Variants in TRPC4 observed in about 807,000 individuals in gnomAD.
TRPC4 encodes transient receptor potential cation channel subfamily C member 4, also known as short transient receptor potential channel 4.
TRPC4 carries 49 observed loss-of-function variants against 99.4 expected under a neutral mutation model. The observed-to-expected ratio is 0.49, with a 90% confidence interval of 0.39 to 0.63. The LOEUF is 0.63. Ranked by LOEUF, TRPC4 falls within the 20% of genes least tolerant of loss-of-function variation. The probability of loss-of-function intolerance (pLI) is 0.00; values close to 1 mark genes in which losing one functional copy is unlikely to be tolerated. For synonymous variants in TRPC4, 454 were observed against 425.9 expected (o/e 1.07, Z -0.81); for missense variants, 898 against 1,152.9 (o/e 0.78, Z 3.20).
chr13:37,792,370 TTG>T (rs1957142849), intron 1 of TRPC4, among the ~76,000 whole-genome samples: 1 of 152,156 alleles, frequency 6.6e-6, no homozygotes, highest in South Asian at 2.1e-4. Flanking sequence ...TTGGCATAAT[TTG>T]TAGAATTAGA....
At chr13:37,849,947 A>T (rs861005) in intron 1 of TRPC4, among the ~76,000 whole-genome samples, 1 of 152,088 alleles carries the variant, frequency 6.6e-6, no homozygotes, top group Non-Finnish European at 1.5e-5. Context: ...GATTATATGA[A>T]AACTACCCGA....
chr13:37,810,057 T>A (rs1957632053), intron 1 of TRPC4, among the ~76,000 whole-genome samples: 1 of 152,096 alleles, frequency 6.6e-6, no homozygotes, highest in African/African-American at 2.4e-5. Flanking sequence ...CATGGCACAA[T>A]AGAAACAAAT....
intron 1 of TRPC4, among the ~76,000 whole-genome samples, chr13:37,852,898 A>G (rs956355672): frequency 1.1e-4 from 17 of 152,172 alleles, no homozygotes; most frequent in African/African-American, 2.4e-5. Flanking sequence ...GAGAAGGAAG[A>G]GTGGGAAGGA....
At chr13:37,778,216 G>GT (rs1956757232) in intron 2 of TRPC4, among the ~76,000 whole-genome samples, 1 of 152,024 alleles carries the variant, frequency 6.6e-6, no homozygotes, top group Non-Finnish European at 1.5e-5. Context: ...AGACTCTTGA[G>GT]TTCCAGCACT....
Position 37,745,538 on chromosome 13 carries a change from G to GTA in TRPC4, c.897+397_897+398dup, listed in dbSNP as rs67537956. On this transcript the variant is annotated intron_variant, in intron 3 of 10. Transcript: ENST00000379705. Reference sequence around the variant, plus strand: ...TATATACGTATATATGTATATATACGTATATATATATATATATAATTTCAA... The same window carrying GTA: ...TATATACGTATATATGTATATATACGTATATATATATATATATATAATTTCAA... Among the ~76,000 whole-genome samples, 939 of 128,106 alleles carry GTA rather than the reference G, an allele frequency of 7.3e-3. 10 individuals are homozygous for GTA. Among genetic ancestry groups the GTA allele is most frequent in the Middle Eastern group, 0.012 (3 of 244 alleles). The allele number at this position is 128,106 out of a possible 152,430, so 84.0% of individuals were successfully genotyped here. A position where few individuals can be genotyped will look rare whatever the true frequency, so the allele number is the denominator to read the frequency against.
intron 5 of TRPC4, among the ~76,000 whole-genome samples, chr13:37,672,907 G>C (rs1320853625): frequency 6.6e-6 from 1 of 152,130 alleles, no homozygotes; most frequent in Admixed American, 6.5e-5. Flanking sequence ...AGCACTGGTA[G>C]CATTTTAACA....
chr13:37,841,443 T>C (rs1051119064), intron 1 of TRPC4, among the ~76,000 whole-genome samples: 2 of 151,818 alleles, frequency 1.3e-5, no homozygotes, highest in South Asian at 2.1e-4. Context: ...TAAACATTTC[T>C]AGTTAAGAGG....
At chr13:37,724,072 G>A (rs1459258502) in intron 3 of TRPC4, among the ~76,000 whole-genome samples, 2 of 151,928 alleles carry the variant, frequency 1.3e-5, no homozygotes, top group Non-Finnish European at 2.9e-5. Flanking sequence ...TATAAATAAT[G>A]ATTCATTCAT....
At chr13:37,764,513 T>A (rs1956306810) in intron 2 of TRPC4, among the ~76,000 whole-genome samples, 1 of 151,392 alleles carries the variant, frequency 6.6e-6, no homozygotes, top group Non-Finnish European at 1.5e-5. Flanking sequence ...ACAAATTATC[T>A]GAACATACTT....
chr13:37,692,813 C>T (rs931708582), intron 3 of TRPC4, among the ~76,000 whole-genome samples: 2 of 152,040 alleles, frequency 1.3e-5, no homozygotes, highest in African/African-American at 4.8e-5. Flanking sequence ...TTATTACTTT[C>T]ATCATCAGGA....
At position 37,830,451 on chromosome 13, in the gene TRPC4, G is replaced by A. The variant is rs145017038; in HGVS notation, c.-28+39144C>T. ...TTGCTGGACATGATGGCTGACGCCT[G>A]TAATCCCAGCATTTTGGGAGGCTGA... On this transcript the variant is annotated intron_variant, in intron 1 of 10. Coordinates refer to ENST00000379705, the MANE Select transcript of TRPC4 (RefSeq NM_016179.4). 6.5e-3 allele frequency among the ~76,000 whole-genome samples: 985 copies of A among 152,060 alleles called. 14 individuals are homozygous for A. The highest frequency in any genetic ancestry group is 0.022 in the African/African-American group (934 of 41,550).
intron 6 of TRPC4, among the ~76,000 whole-genome samples, chr13:37,656,115 C>A (rs1952226584): frequency 6.6e-6 from 1 of 152,032 alleles, no homozygotes; most frequent in Non-Finnish European, 1.5e-5. Flanking sequence ...TGAATGAACT[C>A]TGGCTATTTT....
intron 1 of TRPC4, among the ~76,000 whole-genome samples, chr13:37,793,976 T>C (rs1957185780): frequency 6.6e-6 from 1 of 152,144 alleles, no homozygotes; most frequent in Non-Finnish European, 1.5e-5. Context: ...AAGCTAATAA[T>C]GGTCAAGTAA....
intron 1 of TRPC4, among the ~76,000 whole-genome samples, chr13:37,859,225 A>G (rs1959203420): frequency 6.6e-6 from 1 of 151,480 alleles, no homozygotes; most frequent in Non-Finnish European, 1.5e-5. Context: ...AAAAAGCATT[A>G]AAAGAAAAAG....
chr13:37,720,182 T>A (rs1344240774), intron 3 of TRPC4, among the ~76,000 whole-genome samples: 1 of 152,170 alleles, frequency 6.6e-6, no homozygotes, highest in East Asian at 1.9e-4. Flanking sequence ...GAGACTTGCA[T>A]CGTATTTTTG....
intron 1 of TRPC4, among the ~76,000 whole-genome samples, chr13:37,836,583 T>C (rs1958572872): frequency 6.6e-6 from 1 of 152,196 alleles, no homozygotes; most frequent in South Asian, 2.1e-4. Context: ...TAGAGATTTA[T>C]GGAACTTTGA....
At chr13:37,692,390 T>G in intron 3 of TRPC4, 55 bp from the exon 4 acceptor site, 2 of 1,400,584 alleles carry the variant, frequency 1.4e-6, no homozygotes, top group Non-Finnish European at 1.9e-6. Context: ...TGGAGTGGCC[T>G]CAATTCATCA....
chr13:37,760,236 T>A (rs1308588387), intron 2 of TRPC4, among the ~76,000 whole-genome samples: 1 of 151,980 alleles, frequency 6.6e-6, no homozygotes, highest in Non-Finnish European at 1.5e-5. Flanking sequence ...TAAAATCTAC[T>A]GTGCACTACA....
At chr13:37,847,211 T>C (rs1958931290) in intron 1 of TRPC4, among the ~76,000 whole-genome samples, 1 of 152,046 alleles carries the variant, frequency 6.6e-6, no homozygotes, top group Admixed American at 6.6e-5. Flanking sequence ...ATATCTACAA[T>C]ATTCTACTCA....
Sources: allele counts gnomAD v4.1 joint callset (sites outside exome capture counted in the v4.1 genomes callset), GRCh38; gene constraint gnomAD v4.1.1; transcripts MANE v1.5; gene names NCBI Gene and HGNC (gene_info 2026-07-23, HGNC 2026-07-21).